Variants in ANK3 observed in about 807,000 individuals in gnomAD.
ANK3 encodes ankyrin-3.
A neutral mutation model predicts 370.9 loss-of-function variants in ANK3; 57 were observed. The ratio of observed to expected loss-of-function variants is 0.15; its 90% confidence interval spans 0.12 to 0.19. The LOEUF (loss-of-function observed/expected upper bound fraction) is 0.19. Ranked by LOEUF, ANK3 falls within the 10% of genes least tolerant of loss-of-function variation. ANK3 has a pLI of 1.00. For synonymous variants in ANK3, 1,929 were observed against 1,946.3 expected, an observed-to-expected ratio of 0.99 and a Z score of 0.23; for missense variants, 4,439 against 5,302.1, an observed-to-expected ratio of 0.84 and a Z score of 5.06.
At chr10:60,106,106 A>G (rs778337382) in intron 27 of ANK3, 47 bp from the exon 28 acceptor site, 105 of 1,497,358 alleles carry the variant, frequency 7.0e-5, no homozygotes, top group Middle Eastern at 1.8e-4. Flanking sequence ...AAATATATTT[A>G]TAGTATCATA....
At chr10:60,471,487 G>T (rs1430992287) in intron 2 of ANK3, among the ~76,000 whole-genome samples, 2 of 152,106 alleles carry the variant, frequency 1.3e-5, no homozygotes, top group Non-Finnish European at 2.9e-5. Context: ...GTATTCAGTT[G>T]CATGGATGTA....
intron 21 of ANK3, 138 bp from the exon 22 acceptor site, chr10:60,167,034 T>G (rs771883972): frequency 8.7e-4 from 641 of 737,232 alleles, no homozygotes; most frequent in Non-Finnish European, 1.2e-3. Context: ...TAAAATAACA[T>G]CAAAATTGTT....
intron 1 of ANK3, among the ~76,000 whole-genome samples, chr10:60,640,191 C>G (rs1267673984): frequency 3.3e-5 from 5 of 151,514 alleles, no homozygotes; most frequent in South Asian, 2.1e-4. Flanking sequence ...GGATTCACAG[C>G]TGAATTCTAC....
In ANK3 at chr10:60,309,881, G is replaced by T. The variant is rs144933428; in HGVS notation, c.115-30242C>A. On this transcript the variant is annotated intron_variant, in intron 1 of 43. Coordinates refer to ENST00000280772, the MANE Select transcript of ANK3 (RefSeq NM_020987.5). Reference sequence around the variant, plus strand: ...CAGTTTTATAACTGGCATTTTATCAGGCATATATCAGTGAAATCAATTTCT... The same window carrying T: ...CAGTTTTATAACTGGCATTTTATCATGCATATATCAGTGAAATCAATTTCT... 2.5e-3 allele frequency among the ~76,000 whole-genome samples: 378 copies of T among 151,390 alleles called. 2 individuals carry two copies. Among genetic ancestry groups the T allele is most frequent in the Middle Eastern group, 0.024 (7 of 290 alleles).
At chr10:60,665,597 T>A (rs2078986325) in intron 1 of ANK3, among the ~76,000 whole-genome samples, 1 of 152,212 alleles carries the variant, frequency 6.6e-6, no homozygotes, top group Admixed American at 6.5e-5. Flanking sequence ...CTTCAGTATC[T>A]GTTTTAAGAT....
At chr10:60,407,564 C>A (rs975250823) in intron 2 of ANK3, among the ~76,000 whole-genome samples, 1 of 152,172 alleles carries the variant, frequency 6.6e-6, no homozygotes, top group African/African-American at 2.4e-5. Context: ...ATGTGCCAAG[C>A]ACTGTGCTAA....
At chr10:60,324,294 G>A (rs2049307546) in intron 1 of ANK3, among the ~76,000 whole-genome samples, 1 of 152,236 alleles carries the variant, frequency 6.6e-6, no homozygotes, top group Non-Finnish European at 1.5e-5. Flanking sequence ...GTGAATATGT[G>A]TGGCAGCAGG....
chr10:60,721,912 G>A (rs2132025660), intron 1 of ANK3, among the ~76,000 whole-genome samples: 1 of 152,234 alleles, frequency 6.6e-6, no homozygotes, highest in African/African-American at 2.4e-5. Flanking sequence ...AATCTTACCA[G>A]TTGGGAGGAA....
intron 7 of ANK3, among the ~76,000 whole-genome samples, chr10:60,253,454 T>C (rs1566012561): frequency 6.6e-6 from 1 of 152,238 alleles, no homozygotes; most frequent in Non-Finnish European, 1.5e-5. Context: ...AATTCAAGTA[T>C]ATAAATGGAC....
intron 2 of ANK3, among the ~76,000 whole-genome samples, chr10:60,609,004 C>T (rs993519196): frequency 6.6e-6 from 1 of 152,084 alleles, no homozygotes; most frequent in Non-Finnish European, 1.5e-5. Flanking sequence ...TTAGCATCAT[C>T]TTCTTAAAAC....
chr10:60,040,759 C>G (rs556621626), intron 43 of ANK3, among the ~76,000 whole-genome samples: 3 of 152,266 alleles, frequency 2.0e-5, no homozygotes, highest in Admixed American at 1.3e-4. Flanking sequence ...AATGGCTCAG[C>G]TGGTGTAGGT....
chr10:60,058,015 G>A (rs1219380874), intron 41 of ANK3, among the ~76,000 whole-genome samples: 3 of 152,112 alleles, frequency 2.0e-5, no homozygotes, highest in Non-Finnish European at 4.4e-5. Context: ...AAGTTCTCTT[G>A]TGTCCAATTT....
rs1338074132 is a variant in ANK3, at chr10:60,111,704, G to GTTCACATAAATT, written c.2948+2520_2948+2521insAATTTATGTGAA. 6.6e-6 allele frequency: 3 copies of GTTCACATAAATT among 451,810 alleles called. No homozygotes were observed. In the Admixed American group the frequency reaches 7.1e-5, roughly 11 times the overall value. 28.0% of individuals were successfully genotyped at this position (451,810 alleles called of 1,614,324 possible). ...TCACATAAATTAAAAATACAAAAAG[G>GTTCACATAAATT]ATGGTTCACATAAAGGACACAGTTA... On this transcript the variant is annotated intron_variant, in intron 26 of 43. Coordinates refer to ENST00000280772, the MANE Select transcript of ANK3 (RefSeq NM_020987.5).
At chr10:60,137,237 G>A (rs890101288) in intron 24 of ANK3, 5 of 193,554 alleles carry the variant, frequency 2.6e-5, no homozygotes, top group South Asian at 2.2e-4. Flanking sequence ...AAAGCACATC[G>A]CAGCACATCA....
At chr10:60,684,351 G>T (rs1351619706) in intron 1 of ANK3, among the ~76,000 whole-genome samples, 5 of 152,208 alleles carry the variant, frequency 3.3e-5, no homozygotes, top group Admixed American at 1.3e-4. Flanking sequence ...CAGCGAACAG[G>T]TATCAGCACA....
intron 1 of ANK3, among the ~76,000 whole-genome samples, chr10:60,305,544 G>A (rs184031007): frequency 6.6e-6 from 1 of 152,066 alleles, no homozygotes; most frequent in Non-Finnish European, 1.5e-5. Context: ...ACAGCAGTTG[G>A]TTATCGTCTT....
intron 25 of ANK3, among the ~76,000 whole-genome samples, chr10:60,121,087 A>G (rs1281587521): frequency 6.6e-6 from 1 of 152,214 alleles, no homozygotes; most frequent in Non-Finnish European, 1.5e-5. Context: ...ATAGAAATAG[A>G]AAATACATAC....
At chr10:60,468,567 T>A (rs1323828533) in intron 2 of ANK3, among the ~76,000 whole-genome samples, 1 of 152,058 alleles carries the variant, frequency 6.6e-6, no homozygotes, top group Non-Finnish European at 1.5e-5. Context: ...ACCAAAATTT[T>A]TCCCTGACCA....
intron 1 of ANK3, among the ~76,000 whole-genome samples, chr10:60,367,197 A>C (rs2059498226): frequency 6.6e-6 from 1 of 152,206 alleles, no homozygotes; most frequent in Non-Finnish European, 1.5e-5. Flanking sequence ...GATGGCACAG[A>C]CTGCCTTACA....
Sources: allele counts gnomAD v4.1 joint callset (sites outside exome capture counted in the v4.1 genomes callset), GRCh38; gene constraint gnomAD v4.1.1; transcripts MANE v1.5; gene names NCBI Gene and HGNC (gene_info 2026-07-23, HGNC 2026-07-21).